HELLS: variants seen among roughly 807,000 people sequenced by gnomAD.
The protein encoded by HELLS is helicase, lymphoid specific.
In HELLS, 32 loss-of-function variants were observed where a neutral mutation model predicts 120.0. The ratio of observed to expected loss-of-function variants is 0.27; its 90% CI spans 0.20 to 0.36. The LOEUF is 0.36. HELLS is among the 10% of genes least tolerant of loss of function. HELLS has a pLI of 1.00. For synonymous variants in HELLS, 341 were observed against 323.4 expected (o/e 1.05, Z -0.58); for missense variants, 650 against 993.4 (o/e 0.65, Z 4.65).
intron 13 of HELLS, among the ~76,000 whole-genome samples, chr10:94,589,656 A>G (rs1379565818): frequency 6.8e-6 from 1 of 146,464 alleles, no homozygotes; most frequent in African/African-American, 2.5e-5. Flanking sequence ...AAACAATAGG[A>G]CCACCAGACT....
chr10:94,555,472 C>A (rs1164894084), intron 3 of HELLS, among the ~76,000 whole-genome samples: 1 of 152,124 alleles, frequency 6.6e-6, no homozygotes. Context: ...CAAAAGGGGA[C>A]AGGGTTTGGA....
At chr10:94,581,545 G>T in intron 11 of HELLS, 23 bp downstream of exon 11, 1 of 1,517,184 alleles carries the variant, frequency 6.6e-7, no homozygotes, top group South Asian at 1.2e-5. Context: ...GTTATTTAAT[G>T]ATTTAACCTC....
At chr10:94,570,637 T>G (rs1336747088) in intron 6 of HELLS, 2 of 152,042 alleles carry the variant, frequency 1.3e-5, no homozygotes, top group East Asian at 3.9e-4. Flanking sequence ...ACTTTTTAGA[T>G]AATTTTATGT....
intron 6 of HELLS, among the ~76,000 whole-genome samples, chr10:94,566,639 CTTTCTT>C (rs1442728640): frequency 1.3e-5 from 2 of 151,020 alleles, no homozygotes; most frequent in Non-Finnish European, 1.5e-5. Flanking sequence ...GTTTTTCTTT[CTTTCTT>C]TTTCTTTTCT....
chr10:94,562,214 C>T (rs567647838), intron 4 of HELLS, among the ~76,000 whole-genome samples: 1 of 152,096 alleles, frequency 6.6e-6, no homozygotes, highest in African/African-American at 2.4e-5. Context: ...GACTAGCTGG[C>T]CAACGTGGTG....
chr10:94,546,522 G>T (rs1842761142), intron 2 of HELLS, 24 bp downstream of exon 2: 5 of 1,613,334 alleles, frequency 3.1e-6, no homozygotes, highest in Middle Eastern at 3.3e-4. Context: ...CAGGTTCGTC[G>T]TCGTGAAAGC....
intron 19 of HELLS, 30 bp from the exon 20 acceptor site, chr10:94,596,830 T>G (rs375065615): frequency 5.9e-5 from 67 of 1,127,474 alleles, no homozygotes; most frequent in South Asian, 4.5e-4. Flanking sequence ...AAAAGGAATT[T>G]TAATGTTTTT....
intron 15 of HELLS, among the ~76,000 whole-genome samples, chr10:94,591,514 G>A (rs1845489342): frequency 6.6e-6 from 1 of 152,138 alleles, no homozygotes; most frequent in African/African-American, 2.4e-5. Context: ...TTGACATTTT[G>A]GGCCAGATAA....
chr10:94,562,072 C>T (rs1186076228), intron 4 of HELLS, among the ~76,000 whole-genome samples: 2 of 151,626 alleles, frequency 1.3e-5, no homozygotes, highest in African/African-American at 2.4e-5. Flanking sequence ...TGAGCCACCG[C>T]GCCCGGCCAA....
intron 19 of HELLS, 115 bp downstream of exon 19, chr10:94,594,969 C>G (rs748536357): frequency 1.3e-6 from 1 of 750,500 alleles, no homozygotes. Flanking sequence ...GTGTCTCACA[C>G]CTGTAATCCT....
At chr10:94,559,014 T>C (rs1336902489) in intron 4 of HELLS, among the ~76,000 whole-genome samples, 1 of 152,148 alleles carries the variant, frequency 6.6e-6, no homozygotes, top group Non-Finnish European at 1.5e-5. Flanking sequence ...AAGGATTCTA[T>C]ATTTGTGAAT....
downstream of HELLS, among the ~76,000 whole-genome samples, chr10:94,604,245 C>T (rs1394194156): frequency 2.0e-5 from 3 of 151,786 alleles, no homozygotes; most frequent in South Asian, 2.1e-4. Flanking sequence ...ATTCCTTGGC[C>T]TCCCGAGTAG....
chr10:94,570,558 C>T (rs1170859343), intron 6 of HELLS: 1 of 151,908 alleles, frequency 6.6e-6, no homozygotes, highest in East Asian at 1.9e-4. Context: ...TACTTCATCC[C>T]CTATGCCTTC....
At chr10:94,596,812 G>T (rs772577152) in intron 19 of HELLS, 48 bp from the exon 20 acceptor site, 25 of 960,684 alleles carry the variant, frequency 2.6e-5, no homozygotes, top group Middle Eastern at 2.7e-4. Context: ...ATGTTGTATT[G>T]TAGTTTTAAA....
intron 6 of HELLS, among the ~76,000 whole-genome samples, chr10:94,568,254 C>T (rs1843941275): frequency 6.7e-6 from 1 of 150,298 alleles, no homozygotes; most frequent in Non-Finnish European, 1.5e-5. Flanking sequence ...TTTCCTTACA[C>T]ATTATGCAGT....
intron 2 of HELLS, among the ~76,000 whole-genome samples, chr10:94,550,719 A>G (rs1442710568): frequency 6.6e-6 from 1 of 152,044 alleles, no homozygotes; most frequent in Non-Finnish European, 1.5e-5. Context: ...GTGAAACCCC[A>G]TCTCTACAAA....
In HELLS at chr10:94,550,400, T is replaced by C. The variant is rs934132489; in HGVS notation, c.154-3726T>C. On this transcript the variant is annotated intron_variant, in intron 2 of 21. Coordinates refer to ENST00000348459, the MANE Select transcript of HELLS (RefSeq NM_018063.5). ...TTTAAGCGATTCTTCTGCCTCAGCCTCCCAAGTAGCTAGGACTACAGGCGC... is the reference window on the plus strand; with the variant it reads ...TTTAAGCGATTCTTCTGCCTCAGCCCCCCAAGTAGCTAGGACTACAGGCGC... Among the ~76,000 whole-genome samples, 10 of 152,086 alleles carry C rather than the reference T, an allele frequency of 6.6e-5. 1 individual carries two copies. The highest frequency in any genetic ancestry group is 1.3e-4 in the Admixed American group (2 of 15,270).
At chr10:94,574,768 A>G in intron 9 of HELLS, 32 bp downstream of exon 9, 1 of 1,526,820 alleles carries the variant, frequency 6.5e-7, no homozygotes, top group Non-Finnish European at 9.0e-7. Context: ...TAAAATTATA[A>G]TTTTACATGT....
chr10:94,592,833 G>A (rs780278663), intron 17 of HELLS, among the ~76,000 whole-genome samples: 2 of 150,162 alleles, frequency 1.3e-5, no homozygotes, highest in African/African-American at 2.5e-5. Flanking sequence ...CAACTATATG[G>A]CAAAGTTGAA....
Sources: gnomAD v4.1 joint callset for allele counts (sites outside exome capture counted in the v4.1 genomes callset) on GRCh38, gnomAD v4.1.1 for gene constraint, MANE v1.5 for transcripts, NCBI Gene and HGNC (gene_info 2026-07-23, HGNC 2026-07-21) for gene names.